The following AOAH variants were observed in gnomAD, a reference collection of about 807,000 sequenced individuals.
AOAH encodes acyloxyacyl hydrolase (neutrophil).
A neutral mutation model predicts 92.2 loss-of-function variants in AOAH; 64 were observed. The observed-to-expected ratio is 0.69, with a 90% CI of 0.57 to 0.86. AOAH has a LOEUF of 0.86. AOAH is among the 40% of genes least tolerant of loss of function. The probability of loss-of-function intolerance (pLI) is 0.00; values close to 1 mark genes in which losing one functional copy is unlikely to be tolerated. For synonymous variants in AOAH, 263 were observed against 254.5 expected (o/e 1.03, Z -0.32); for missense variants, 656 against 694.6 (o/e 0.94, Z 0.62).
chr7:36,635,648 C>T (rs766608797), intron 5 of AOAH, among the ~76,000 whole-genome samples: 1 of 152,070 alleles, frequency 6.6e-6, no homozygotes, highest in Non-Finnish European at 1.5e-5. Flanking sequence ...ATCCGCATAG[C>T]CTGTGACGTA....
At chr7:36,715,762 G>A (rs958980105) in intron 1 of AOAH, among the ~76,000 whole-genome samples, 10 of 149,028 alleles carry the variant, frequency 6.7e-5, no homozygotes, top group African/African-American at 2.5e-4. Context: ...TGGGAAAACT[G>A]GCTAGCCATA....
chr7:36,644,543 G>A (rs1034874117), intron 4 of AOAH, among the ~76,000 whole-genome samples: 5 of 152,250 alleles, frequency 3.3e-5, no homozygotes, highest in East Asian at 1.9e-4. Context: ...AGACCGTAGC[G>A]AACAGAGGAT....
chr7:36,579,919 T>C (rs1788816598), intron 12 of AOAH, among the ~76,000 whole-genome samples: 2 of 152,234 alleles, frequency 1.3e-5, no homozygotes, highest in Non-Finnish European at 2.9e-5. Flanking sequence ...ATCACAGTTA[T>C]GATATTTTTC....
intron 2 of AOAH, among the ~76,000 whole-genome samples, chr7:36,678,550 AGTGTGTGTGTGTGTGTGTGTGTGTGT>A (rs529261307): frequency 1.5e-4 from 18 of 118,936 alleles, no homozygotes; most frequent in African/African-American, 4.8e-4. Flanking sequence ...TAAGATAAGC[AGTGTGTGTGTGTGTGTGTGTGTGTGT>A]GTGTGTGTGT....
intron 12 of AOAH, among the ~76,000 whole-genome samples, chr7:36,579,654 A>G (rs772924947): frequency 3.3e-5 from 5 of 152,182 alleles, no homozygotes; most frequent in Admixed American, 6.5e-5. Context: ...ATTCAAGGGC[A>G]GGAAGCATCC....
intron 20 of AOAH, among the ~76,000 whole-genome samples, chr7:36,519,883 G>A (rs1012019852): frequency 2.0e-5 from 3 of 152,186 alleles, no homozygotes; most frequent in African/African-American, 7.2e-5. Context: ...AAATGGCAGG[G>A]CATTTTCTTG....
In AOAH at chr7:36,644,998, A is replaced by G. The variant is rs148717604; in HGVS notation, c.391-7088T>C. 4.8e-3 allele frequency among the ~76,000 whole-genome samples: 733 copies of G among 152,266 alleles called. 1 individual carries two copies. Among genetic ancestry groups the G allele is most frequent in the African/African-American group, 0.017 (712 of 41,524 alleles). The stretch of plus-strand genomic sequence containing the variant: ...TAGGACAGGTTGTTCCTCACACCCA[A>G]ATTCACTGGTATAAACTGATTTTTA... On this transcript the variant is annotated intron_variant, in intron 4 of 20. Coordinates refer to ENST00000617537, the MANE Select transcript of AOAH (RefSeq NM_001637.4).
At chr7:36,718,548 C>T (rs754442950) in intron 1 of AOAH, among the ~76,000 whole-genome samples, 1 of 152,066 alleles carries the variant, frequency 6.6e-6, no homozygotes, top group South Asian at 2.1e-4. Flanking sequence ...GAAGTGAAAA[C>T]AACTCAAATG....
At chr7:36,620,896 C>CATGAATGAATGA in intron 8 of AOAH, 67 bp from the exon 9 acceptor site, 1 of 1,331,258 alleles carries the variant, frequency 7.5e-7, no homozygotes, top group Non-Finnish European at 1.1e-6. Context: ...CAGTTTCATG[C>CATGAATGAATGA]ATGAATGAAT....
chr7:36,523,597 T>C (rs1384013343), intron 19 of AOAH, among the ~76,000 whole-genome samples: 1 of 151,404 alleles, frequency 6.6e-6, no homozygotes, highest in Non-Finnish European at 1.5e-5. Context: ...CTTGCCTGGC[T>C]CAGTCTTCAG....
intron 1 of AOAH, among the ~76,000 whole-genome samples, chr7:36,702,272 A>G (rs1456797182): frequency 1.3e-5 from 2 of 152,242 alleles, no homozygotes; most frequent in East Asian, 1.9e-4. Context: ...ATTCCTTCCT[A>G]TGGATGCAAG....
At chr7:36,647,635 C>G (rs946023120) in intron 4 of AOAH, among the ~76,000 whole-genome samples, 1 of 152,092 alleles carries the variant, frequency 6.6e-6, no homozygotes, top group Admixed American at 6.6e-5. Context: ...GTTTTAACAC[C>G]TCTATGAGTT....
At chr7:36,654,605 GC>G (rs1035035425) in intron 4 of AOAH, among the ~76,000 whole-genome samples, 14 of 152,200 alleles carry the variant, frequency 9.2e-5, no homozygotes, top group African/African-American at 3.4e-4. Flanking sequence ...CTACAGAGGG[GC>G]CCATCCATCC....
chr7:36,674,967 G>A (rs968519538), intron 2 of AOAH, among the ~76,000 whole-genome samples: 3 of 152,232 alleles, frequency 2.0e-5, no homozygotes, highest in Non-Finnish European at 4.4e-5. Context: ...TAAATACACT[G>A]TGCTCGGCTG....
intron 4 of AOAH, among the ~76,000 whole-genome samples, chr7:36,657,149 C>A (rs147329446): frequency 1.3e-5 from 2 of 152,120 alleles, no homozygotes; most frequent in African/African-American, 2.4e-5. Context: ...ACACACATTT[C>A]GACATCAGTT....
At chr7:36,672,664 A>G (rs568773302) in intron 3 of AOAH, among the ~76,000 whole-genome samples, 98 of 152,230 alleles carry the variant, frequency 6.4e-4, no homozygotes, top group African/African-American at 1.9e-3. Flanking sequence ...CAAATACCTA[A>G]TGAATGTGGG....
chr7:36,649,575 G>A (rs1028232220), intron 4 of AOAH, among the ~76,000 whole-genome samples: 11 of 152,182 alleles, frequency 7.2e-5, no homozygotes, highest in South Asian at 4.1e-4. Flanking sequence ...ATCATCTATC[G>A]CCTGAGAGCA....
At chr7:36,552,655 G>A (rs937471685) in intron 13 of AOAH, among the ~76,000 whole-genome samples, 3 of 152,104 alleles carry the variant, frequency 2.0e-5, no homozygotes, top group South Asian at 2.1e-4. Context: ...CCACAACCTC[G>A]CCAGCATCTG....
At chr7:36,538,352 T>G (rs142746093) in intron 16 of AOAH, among the ~76,000 whole-genome samples, 147 of 152,232 alleles carry the variant, frequency 9.7e-4, no homozygotes, top group African/African-American at 3.4e-3. Context: ...TACATACATT[T>G]TTCCTTCCCC....
Sources: allele counts gnomAD v4.1 joint callset (sites outside exome capture counted in the v4.1 genomes callset), GRCh38; gene constraint gnomAD v4.1.1; transcripts MANE v1.5; gene names NCBI Gene and HGNC (gene_info 2026-07-23, HGNC 2026-07-21).